The following ODAPH variants were observed in gnomAD, a reference collection of about 807,000 sequenced individuals.
The protein encoded by ODAPH is amelogenesis imperfecta type IIA4.
ODAPH carries 2 observed loss-of-function variants against 2.8 expected under a neutral mutation model. The ratio of observed to expected loss-of-function variants is 0.72; its 90% CI spans 0.30 to 2.28. ODAPH has a LOEUF of 2.28. Ranked by LOEUF, ODAPH falls within the 30% of genes most tolerant of loss-of-function variation. ODAPH has a pLI of 0.13. For synonymous variants in ODAPH, 75 were observed against 60.3 expected, an observed-to-expected ratio of 1.24 and a Z score of -1.13; for missense variants, 159 against 163.3, an observed-to-expected ratio of 0.97 and a Z score of 0.14.
At chr4:75,560,617 C>A (rs1727522509) in intron 1 of ODAPH, among the ~76,000 whole-genome samples, 1 of 152,180 alleles carries the variant, frequency 6.6e-6, no homozygotes, top group African/African-American at 2.4e-5. Flanking sequence ...GGGTCCTGCC[C>A]ACATTCCTGG....
chr4:75,562,474 G>A (rs1374862054), intron 1 of ODAPH, among the ~76,000 whole-genome samples: 1 of 151,848 alleles, frequency 6.6e-6, no homozygotes, highest in Non-Finnish European at 1.5e-5. Flanking sequence ...CGAGTAGCTG[G>A]GATTACAGGC....
intron 1 of ODAPH, 93 bp downstream of exon 1, chr4:75,556,242 A>G: frequency 8.0e-7 from 1 of 1,248,878 alleles, no homozygotes; most frequent in Non-Finnish European, 1.2e-6. Flanking sequence ...GTTCCCATAA[A>G]TTGGAAATAT....
intron 1 of ODAPH, chr4:75,556,418 A>G: frequency 1.3e-6 from 1 of 788,836 alleles, no homozygotes; most frequent in Non-Finnish European, 2.1e-6. Context: ...AACAATATCC[A>G]TCGTTATGGG....
chr4:75,558,148 T>C (rs779939776), intron 1 of ODAPH, among the ~76,000 whole-genome samples: 1 of 152,164 alleles, frequency 6.6e-6, no homozygotes, highest in Non-Finnish European at 1.5e-5. Context: ...GAGCCCCTAA[T>C]GTAGTAACCT....
At chr4:75,563,984 A>T in intron 1 of ODAPH, 130 bp from the exon 2 acceptor site, 1 of 773,782 alleles carries the variant, frequency 1.3e-6, no homozygotes. Context: ...GAACGTTGGC[A>T]GTTCTTTCAA....
At chr4:75,556,455 T>C (rs959237298) in intron 1 of ODAPH, 6 of 1,132,740 alleles carry the variant, frequency 5.3e-6, no homozygotes, top group Non-Finnish European at 6.4e-6. Context: ...TGAGCTATCA[T>C]CTGTGAAAAA....
chr4:75,556,547 C>G, intron 1 of ODAPH: 2 of 1,534,848 alleles, frequency 1.3e-6, no homozygotes, highest in Non-Finnish European at 8.7e-7. Context: ...ACAGCACTGT[C>G]CACTTTCTAT....
At position 75,556,099 on chromosome 4, in the gene ODAPH, G is replaced by A. The variant is rs1727327407; in HGVS notation, c.17G>A (p.Cys6Tyr). 6.2e-7 allele frequency: 1 copy of A among 1,614,174 alleles called. No individual in the cohort carries two copies. The highest frequency in any genetic ancestry group is 1.3e-5 in the African/African-American group (1 of 75,042). Reference protein sequence around the residue: MARRHCFSYWLLVCWL... With the variant: MARRHYFSYWLLVCWL... Reference sequence around the variant, plus strand: ...GTAGAAGCCATGGCTCGCAGACACTGCTTCTCCTACTGGTTACTGGTATGC... The same window carrying A: ...GTAGAAGCCATGGCTCGCAGACACTACTTCTCCTACTGGTTACTGGTATGC... The change falls in exon 1 of 2, where the codon TGC becomes TAC. Residue 6 changes from cysteine (C) to tyrosine (Y), a missense_variant. Cys to Tyr is a radical substitution (Grantham distance 194, BLOSUM62 -2). Transcript: ENST00000311623.
At position 75,564,402 on chromosome 4, in the gene ODAPH, G is replaced by T; in HGVS notation, c.356G>T (p.Arg119Ile). Residue 119 changes from arginine to isoleucine, a missense_variant, in exon 2 of 2, where the codon AGA becomes ATA. By Grantham distance (97) the Arg-to-Ile change is moderately conservative (BLOSUM62 -3). Coordinates refer to ENST00000311623, the MANE Select transcript of ODAPH (RefSeq NM_178497.5). Reference sequence around the variant, plus strand: ...CTTACTTATAGGTATTTCCCCAGAAGAAGACTCCAGAGAGGAAGCTCATCT... The same window carrying T: ...CTTACTTATAGGTATTTCCCCAGAATAAGACTCCAGAGAGGAAGCTCATCT... ...RYLTYRYFPR[R>I]RLQRGSSSEE... 6.2e-7 allele frequency: 1 copy of T among 1,614,156 alleles called. No individual in the cohort carries two copies. Among genetic ancestry groups the T allele is most frequent in the Middle Eastern group, 1.6e-4 (1 of 6,062 alleles).
chr4:75,556,556 A>G, intron 1 of ODAPH: 10 of 1,535,184 alleles, frequency 6.5e-6, no homozygotes, highest in Non-Finnish European at 8.7e-6. Flanking sequence ...TCCACTTTCT[A>G]TCTCCAGCAG....
chr4:75,558,366 G>A (rs1727427499), intron 1 of ODAPH, among the ~76,000 whole-genome samples: 1 of 152,164 alleles, frequency 6.6e-6, no homozygotes. Flanking sequence ...AAGCACATGA[G>A]AATTAGTTTC....
At chr4:75,565,504 A>G (rs1356904214), downstream of ODAPH, 1 of 152,192 alleles carries the variant, frequency 6.6e-6, no homozygotes, top group African/African-American at 2.4e-5. Flanking sequence ...TGGTACCTCT[A>G]GAACTCCACA....
chr4:75,559,014 T>G (rs1461569156), intron 1 of ODAPH, among the ~76,000 whole-genome samples: 1 of 152,174 alleles, frequency 6.6e-6, no homozygotes, highest in Non-Finnish European at 1.5e-5. Flanking sequence ...ATATAATTTA[T>G]TATTGCAGAT....
Position 75,564,323 on chromosome 4 carries a change from T to C in ODAPH, c.277T>C (p.Ser93Pro), listed in dbSNP as rs140756390. The change falls in exon 2 of 2, where the codon TCA (serine) becomes CCA (proline). Residue 93 changes from serine to proline, a missense_variant. Transcript: ENST00000311623. Reference sequence around the variant, plus strand: ...GTTTCCAAACAGACCTTTCGTCCCTTCAAGGTGTAACCACCGTTTTCCATT... The same window carrying C: ...GTTTCCAAACAGACCTTTCGTCCCTCCAAGGTGTAACCACCGTTTTCCATT... Reference protein sequence around the residue: ...FRFPNRPFVPSRCNHRFPFQP... With the variant: ...FRFPNRPFVPPRCNHRFPFQP... The C allele has an allele frequency of 8.9e-3, 14,444 of 1,614,162 alleles. 79 individuals are homozygous for C. Among genetic ancestry groups the C allele is most frequent in the Non-Finnish European group, 0.011 (12,593 of 1,180,028 alleles).
Position 75,564,642 on chromosome 4 carries a change from G to A in ODAPH, c.*203G>A. The A allele has an allele frequency of 1.8e-6, 2 of 1,083,494 alleles. No individual in the cohort carries two copies. The highest frequency in any genetic ancestry group is 2.6e-6 in the Non-Finnish European group (2 of 771,784). 67.1% of individuals were successfully genotyped at this position (1,083,494 alleles called of 1,614,324 possible). A position where few individuals can be genotyped will look rare whatever the true frequency, so the allele number is the denominator to read the frequency against. On this transcript the variant is annotated 3_prime_UTR_variant, in exon 2 of 2. Transcript: ENST00000311623. Reference sequence around the variant, plus strand: ...TAGGTTATTGATGGTTGCAAAATTGGACAATAACCACGTTATTTTTATCCT... The same window carrying A: ...TAGGTTATTGATGGTTGCAAAATTGAACAATAACCACGTTATTTTTATCCT...
chr4:75,559,645 C>CA (rs1727481899), intron 1 of ODAPH, among the ~76,000 whole-genome samples: 1 of 152,218 alleles, frequency 6.6e-6, no homozygotes, highest in Admixed American at 6.5e-5. Flanking sequence ...GAAGAGCTCT[C>CA]ATCTTTGACA....
In ODAPH at chr4:75,556,103, C is replaced by G; in HGVS notation, c.21C>G (p.Phe7Leu). MARRHCFSYWLLVCWLV... is the reference protein window; with the variant it reads MARRHCLSYWLLVCWLV... ...AAGCCATGGCTCGCAGACACTGCTT[C>G]TCCTACTGGTTACTGGTATGCTGGT... The change falls in exon 1 of 2, where the codon TTC becomes TTG. Residue 7 changes from phenylalanine (F) to leucine (L), a missense_variant. Coordinates refer to ENST00000311623, the MANE Select transcript of ODAPH (RefSeq NM_178497.5). The G allele has an allele frequency of 6.2e-7, 1 of 1,614,174 alleles. No individual in the cohort carries two copies.
intron 1 of ODAPH, chr4:75,556,482 C>T: frequency 7.1e-7 from 1 of 1,415,062 alleles, no homozygotes; most frequent in Non-Finnish European, 9.6e-7. Flanking sequence ...AAGCTAAAAA[C>T]ACTGTACAAA....
At chr4:75,559,228 T>C (rs1727467114) in intron 1 of ODAPH, among the ~76,000 whole-genome samples, 1 of 152,202 alleles carries the variant, frequency 6.6e-6, no homozygotes, top group Admixed American at 6.5e-5. Context: ...GTAACGTGTG[T>C]CCCCAGTAGC....
Sources: gnomAD v4.1 joint callset for allele counts (sites outside exome capture counted in the v4.1 genomes callset) on GRCh38, gnomAD v4.1.1 for gene constraint, MANE v1.5 for transcripts, NCBI Gene and HGNC (gene_info 2026-07-23, HGNC 2026-07-21) for gene names.